ADGRL2: variants seen among roughly 807,000 people sequenced by gnomAD.
ADGRL2 encodes adhesion G protein-coupled receptor L2, also known as calcium-independent alpha-latrotoxin receptor 2.
A neutral mutation model predicts 157.4 loss-of-function variants in ADGRL2; 44 were observed. That is an observed-to-expected ratio of 0.28 (90% CI 0.22 to 0.36). ADGRL2 has a LOEUF of 0.36. ADGRL2 is among the 10% of genes least tolerant of loss of function. The pLI, the probability that ADGRL2 is intolerant of heterozygous loss-of-function variation, is 1.00. For synonymous variants in ADGRL2, 585 were observed against 624.7 expected (o/e 0.94, Z 0.95); for missense variants, 1,510 against 1,768.9 (o/e 0.85, Z 2.63).
chr1:81,796,014 C>T (rs143957328), upstream of ADGRL2, among the ~76,000 whole-genome samples: 355 of 152,262 alleles, frequency 2.3e-3, 1 homozygote, highest in Non-Finnish European at 3.8e-3. Flanking sequence ...GACGGAGTCT[C>T]ACTCTGTTGC....
chr1:81,518,149 C>T (rs2079225071), intron 2 of ADGRL2, among the ~76,000 whole-genome samples: 7 of 152,124 alleles, frequency 4.6e-5, no homozygotes, highest in Admixed American at 4.6e-4. Flanking sequence ...AGTAGGAACG[C>T]GTGAAAGGAA....
intron 1 of ADGRL2, chr1:81,427,550 C>A: frequency 1.3e-6 from 1 of 745,798 alleles, no homozygotes; most frequent in Non-Finnish European, 2.5e-6. Context: ...AGAAGCTCAT[C>A]CCTATGATGG....
intron 2 of ADGRL2, among the ~76,000 whole-genome samples, chr1:81,574,229 G>A (rs1557474254): frequency 6.6e-6 from 1 of 150,796 alleles, no homozygotes; most frequent in South Asian, 2.1e-4. Context: ...GGTGGTGGGG[G>A]AGGGGGAGGG....
At chr1:81,818,108 T>C (rs1386043002) in intron 1 of ADGRL2, among the ~76,000 whole-genome samples, 2 of 152,042 alleles carry the variant, frequency 1.3e-5, no homozygotes, top group African/African-American at 2.4e-5. Context: ...AGTACGAGGC[T>C]GCATTGAGCT....
chr1:81,688,446 A>G (rs762029603), intron 3 of ADGRL2, among the ~76,000 whole-genome samples: 48 of 151,920 alleles, frequency 3.2e-4, no homozygotes, highest in Non-Finnish European at 6.3e-4. Context: ...TCTTTCTTCT[A>G]CTTGTTCAAT....
upstream of ADGRL2, chr1:81,800,548 G>A (rs901363738): frequency 3.2e-4 from 49 of 152,212 alleles, no homozygotes; most frequent in African/African-American, 1.2e-3. Flanking sequence ...CCTCTCCGAA[G>A]TCCAGGCCGG....
intron 1 of ADGRL2, among the ~76,000 whole-genome samples, chr1:81,309,992 T>A (rs934400954): frequency 4.6e-5 from 7 of 152,182 alleles, no homozygotes; most frequent in African/African-American, 1.7e-4. Flanking sequence ...GAAAAAATAC[T>A]TTTTTCTGTC....
chr1:81,921,868 A>G (rs550062299), intron 3 of ADGRL2, among the ~76,000 whole-genome samples: 1 of 151,168 alleles, frequency 6.6e-6, no homozygotes, highest in Middle Eastern at 3.4e-3. Flanking sequence ...ATTTGCTGCC[A>G]AATGATTAGT....
At chr1:81,881,420 C>T (rs1009945482) in intron 2 of ADGRL2, among the ~76,000 whole-genome samples, 1 of 152,182 alleles carries the variant, frequency 6.6e-6, no homozygotes, top group Non-Finnish European at 1.5e-5. Flanking sequence ...TCGTGATCCA[C>T]CAGCCTCGGC....
At chr1:81,973,951 A>C (rs1436731636) in intron 17 of ADGRL2, among the ~76,000 whole-genome samples, 1 of 152,038 alleles carries the variant, frequency 6.6e-6, no homozygotes, top group Non-Finnish European at 1.5e-5. Context: ...ATATATATAT[A>C]TATCTTCCCT....
chr1:81,319,963 A>G (rs749290527), intron 1 of ADGRL2, among the ~76,000 whole-genome samples: 11 of 152,188 alleles, frequency 7.2e-5, no homozygotes, highest in Admixed American at 1.3e-4. Context: ...TTTCTATCAC[A>G]CAATGTTGTG....
At chr1:81,333,762 C>CAAAA (rs35097540) in intron 1 of ADGRL2, among the ~76,000 whole-genome samples, 5 of 111,964 alleles carry the variant, frequency 4.5e-5, no homozygotes, top group Non-Finnish European at 3.7e-5. Context: ...GTTCCCTAAG[C>CAAAA]AAAAAAAAAA....
chr1:81,645,964 TTTCCACA>T (rs1368223327), intron 3 of ADGRL2, among the ~76,000 whole-genome samples: 7 of 152,272 alleles, frequency 4.6e-5, no homozygotes, highest in Admixed American at 3.3e-4. Flanking sequence ...GCTTGAGAGA[TTTCCACA>T]CTCTAGCCAA....
chr1:81,649,566 C>A lies in ADGRL2; in HGVS notation c.-143+68586C>A, dbSNP rs147937789. ...TCTATTCTCCTGGAATATCTTGTTT[C>A]TTTTACTCCACCTCAACTGGATTGT... is the stretch of plus-strand genomic sequence containing the variant. On this transcript the variant is annotated intron_variant, in intron 3 of 24. Coordinates refer to the ADGRL2 transcript ENST00000370721. 2.7e-3 allele frequency among the ~76,000 whole-genome samples: 407 copies of A among 152,216 alleles called. 1 individual carries two copies. The highest frequency in any genetic ancestry group is 3.4e-3 in the Non-Finnish European group (228 of 67,996).
At chr1:81,532,090 TTC>T (rs2079613842) in intron 2 of ADGRL2, among the ~76,000 whole-genome samples, 2 of 152,194 alleles carry the variant, frequency 1.3e-5, no homozygotes. Flanking sequence ...ACTATTTAAT[TTC>T]TCTGAGTTCA....
chr1:81,415,879 C>T lies in ADGRL2; in HGVS notation c.-301-29157C>T, dbSNP rs138151994. Reference sequence around the variant, plus strand: ...TTTTTGAGACGGAGTCTTGCTCTGTCGCCCAGGCTGGAGTACAGTGGTGCG... The same window carrying T: ...TTTTTGAGACGGAGTCTTGCTCTGTTGCCCAGGCTGGAGTACAGTGGTGCG... On this transcript the variant is annotated intron_variant, in intron 1 of 24. Transcript: ENST00000370721. Among the ~76,000 whole-genome samples the T allele has an allele frequency of 6.6e-3, 966 of 146,286 alleles. 11 individuals carry two copies. The highest frequency in any genetic ancestry group is 0.022 in the African/African-American group (875 of 39,468).
chr1:81,501,139 T>C (rs991102834), intron 2 of ADGRL2, among the ~76,000 whole-genome samples: 6 of 152,218 alleles, frequency 3.9e-5, no homozygotes, highest in Non-Finnish European at 7.3e-5. Flanking sequence ...GCTGCCACAA[T>C]GTTAATTGTT....
rs546397942 is a variant in ADGRL2 at position 81,691,942 on chromosome 1, A to T, written c.-142-69869A>T. The stretch of plus-strand genomic sequence containing the variant: ...TGTGTATATATATATACACATACAG[A>T]TATCTATATACACACACACAAAGCC... On this transcript the variant is annotated intron_variant, in intron 3 of 24. Coordinates refer to the ADGRL2 transcript ENST00000370721. Among the ~76,000 whole-genome samples, 6 of 148,678 alleles carry T rather than the reference A, an allele frequency of 4.0e-5. No individual in the cohort carries two copies. In the East Asian group the frequency reaches 1.2e-3, roughly 29 times the overall value.
intron 3 of ADGRL2, among the ~76,000 whole-genome samples, chr1:81,684,764 G>C (rs1328742077): frequency 4.6e-5 from 7 of 152,150 alleles, no homozygotes; most frequent in Non-Finnish European, 8.8e-5. Flanking sequence ...TATAGTTTCA[G>C]GTCTTAGGTT....
Sources: allele counts gnomAD v4.1 joint callset (sites outside exome capture counted in the v4.1 genomes callset), GRCh38; gene constraint gnomAD v4.1.1; transcripts MANE v1.5; gene names NCBI Gene and HGNC (gene_info 2026-07-23, HGNC 2026-07-21).